NFIC: variants seen among roughly 807,000 people sequenced by gnomAD.
The protein encoded by NFIC is nuclear factor I C.
NFIC carries 12 observed loss-of-function variants against 54.4 expected under a neutral mutation model. The ratio of observed to expected loss-of-function variants is 0.22; its 90% CI spans 0.14 to 0.36. The LOEUF is 0.36. Among genes scored for constraint, NFIC ranks in the 10% least tolerant of loss-of-function variants. The pLI is 1.00. For missense variants in NFIC, 575 were observed against 718.2 expected, an observed-to-expected ratio of 0.80 and a Z score of 2.28; for synonymous variants, 322 against 319.2, an observed-to-expected ratio of 1.01 and a Z score of -0.09.
At chr19:3,366,704 GC>G (rs756770233) in intron 1 of NFIC, 38 bp downstream of exon 1, 11 of 1,267,486 alleles carry the variant, frequency 8.7e-6, no homozygotes, top group South Asian at 1.9e-5. Context: ...GCGCCCCCGC[GC>G]CCCCCGCATC....
chr19:3,466,654 C>G lies in NFIC; in HGVS notation c.*3885C>G, dbSNP rs2082720833. The G allele has an allele frequency of 6.6e-6, 1 of 151,682 alleles. No individual in the cohort carries two copies. The highest frequency in any genetic ancestry group is 2.1e-4 in the South Asian group (1 of 4,816). 9.4% of individuals were successfully genotyped at this position (151,682 alleles called of 1,614,324 possible). A position where few individuals can be genotyped will look rare whatever the true frequency, so the allele number is the denominator to read the frequency against. Reference sequence around the variant, plus strand: ...TGCACAGCATTCATGTAGCTGATTTCTAGCTTTTTTTTTTTTTCTGCCCCA... The same window carrying G: ...TGCACAGCATTCATGTAGCTGATTTGTAGCTTTTTTTTTTTTTCTGCCCCA... On this transcript the variant is annotated 3_prime_UTR_variant, in exon 11 of 11. Transcript: ENST00000443272. The surrounding 1 kb of genome is among the most constrained non-coding windows in gnomAD (Gnocchi z 4.8).
At chr19:3,366,702 G>A (rs762183016) in intron 1 of NFIC, 36 bp downstream of exon 1, 2 of 1,052,360 alleles carry the variant, frequency 1.9e-6, no homozygotes, top group Admixed American at 3.7e-5. Context: ...CGGCGCCCCC[G>A]CGCCCCCCGC....
At chr19:3,362,825 C>T (rs568475997), upstream of NFIC, among the ~76,000 whole-genome samples, 6 of 152,260 alleles carry the variant, frequency 3.9e-5, no homozygotes, top group South Asian at 2.1e-4. Context: ...TGACTGCACA[C>T]TGCACTGCTG....
In NFIC at chr19:3,465,777, T is replaced by G. The variant is rs1264823322; in HGVS notation, c.*3008T>G. The G allele has an allele frequency of 6.6e-6, 1 of 152,184 alleles. No individual in the cohort carries two copies. The highest frequency in any genetic ancestry group is 6.6e-5 in the Admixed American group (1 of 15,264). 9.4% of individuals were successfully genotyped at this position (152,184 alleles called of 1,614,324 possible). On this transcript the variant is annotated 3_prime_UTR_variant, in exon 11 of 11. Transcript: ENST00000443272. Reference sequence around the variant, plus strand: ...TGTCCTCCAACCATGGGGTGGCCACTCCACCCGCAGCCAGACTCCCCGCTC... The same window carrying G: ...TGTCCTCCAACCATGGGGTGGCCACGCCACCCGCAGCCAGACTCCCCGCTC...
At chr19:3,417,709 T>G (rs1475507736) in intron 2 of NFIC, among the ~76,000 whole-genome samples, 2 of 145,226 alleles carry the variant, frequency 1.4e-5, no homozygotes, top group Non-Finnish European at 3.0e-5. Context: ...CACTGCAACC[T>G]CTGCCTCCCG....
intron 1 of NFIC, among the ~76,000 whole-genome samples, chr19:3,368,336 TG>T (rs1271563408): frequency 1.3e-5 from 2 of 152,040 alleles, no homozygotes; most frequent in African/African-American, 4.8e-5. Flanking sequence ...TCCTGGTTGC[TG>T]GGGTGGGTTG....
intron 6 of NFIC, among the ~76,000 whole-genome samples, chr19:3,439,529 C>T (rs1009464346): frequency 6.6e-6 from 1 of 150,394 alleles, no homozygotes; most frequent in Non-Finnish European, 1.5e-5. Context: ...GTAATCCCAG[C>T]TACTCGGGAG....
chr19:3,414,851 G>C (rs535730651), intron 2 of NFIC, among the ~76,000 whole-genome samples: 1 of 151,738 alleles, frequency 6.6e-6, no homozygotes, highest in South Asian at 2.1e-4. Context: ...TTGTTTTTGT[G>C]TTTTTTGAGA....
intron 3 of NFIC, among the ~76,000 whole-genome samples, chr19:3,432,751 T>C (rs1199013872): frequency 6.7e-6 from 1 of 150,210 alleles, no homozygotes; most frequent in Non-Finnish European, 1.5e-5. Context: ...CTCGGCTCAC[T>C]GCAAGCTCCA....
In NFIC at chr19:3,381,839, A is replaced by C. The variant is rs1470040387; in HGVS notation, c.158A>C (p.Glu53Ala). 6.2e-7 allele frequency: 1 copy of C among 1,614,032 alleles called. No homozygotes were observed. The highest frequency in any genetic ancestry group is 1.7e-5 in the Admixed American group (1 of 60,024). ...CACGAGAAGCGGATGTCGAAGGACG[A>C]GGAGCGTGCGGTCAAGGACGAGCTG... ...KKHEKRMSKD[E>A]ERAVKDELLG... is the part of the protein sequence containing the mutation. The change falls in exon 2 of 11, where the codon GAG becomes GCG. Residue 53 changes from glutamate to alanine, a missense_variant. Transcript: ENST00000443272.
At position 3,381,565 on chromosome 19, in the gene NFIC, C is replaced by T. The variant is rs1290471498; in HGVS notation, c.31-147C>T. The T allele has an allele frequency of 7.1e-6, 9 of 1,261,878 alleles. No individual in the cohort carries two copies. In the Admixed American group the frequency reaches 8.6e-5, roughly 12 times the overall value. 78.2% of individuals were successfully genotyped at this position (1,261,878 alleles called of 1,614,324 possible). On this transcript the variant is annotated intron_variant, in intron 1 of 10. Transcript: ENST00000443272. ...GTGCCTCCGGCGGCGTGCACGGGTC[C>T]GCAGCGACCCCCTGCCCACCTCTGC...
chr19:3,379,415 C>T (rs1164126852), intron 1 of NFIC, among the ~76,000 whole-genome samples: 1 of 149,662 alleles, frequency 6.7e-6, no homozygotes, highest in African/African-American at 2.5e-5. Flanking sequence ...AATGTAGTGG[C>T]GAGCTCTCGG....
chr19:3,394,838 C>T (rs1568418730), intron 2 of NFIC, among the ~76,000 whole-genome samples: 2 of 151,926 alleles, frequency 1.3e-5, no homozygotes, highest in South Asian at 2.1e-4. Context: ...ATCCAGGTTG[C>T]GTGCTCCTTA....
At position 3,434,241 on chromosome 19, in the gene NFIC, G is replaced by T. The variant is rs1268765102; in HGVS notation, c.710-36G>T. Reference sequence around the variant, plus strand: ...AAAGCAAACCGCAGCACTGGGCACTGCTTCCTGCCTCACTCTCCTCTGTCA... The same window carrying T: ...AAAGCAAACCGCAGCACTGGGCACTTCTTCCTGCCTCACTCTCCTCTGTCA... On this transcript the variant is annotated intron_variant, in intron 4 of 10. Transcript: ENST00000443272. 3.8e-6 allele frequency: 6 copies of T among 1,591,196 alleles called. No individual in the cohort carries two copies. In the East Asian group the frequency reaches 1.3e-4, roughly 36 times the overall value.
chr19:3,460,472 G>C (rs902806275), intron 10 of NFIC, among the ~76,000 whole-genome samples: 6 of 152,152 alleles, frequency 3.9e-5, no homozygotes, highest in Non-Finnish European at 8.8e-5. Context: ...CGGGGATACC[G>C]GGGACATCAT....
chr19:3,403,896 G>A (rs2081597564), intron 2 of NFIC, among the ~76,000 whole-genome samples: 1 of 149,606 alleles, frequency 6.7e-6, no homozygotes. Context: ...GGGCGCTTCC[G>A]ACTGGCCCTG....
At chr19:3,362,661 G>C (rs1399808205), upstream of NFIC, among the ~76,000 whole-genome samples, 1 of 152,006 alleles carries the variant, frequency 6.6e-6, no homozygotes, top group Non-Finnish European at 1.5e-5. Context: ...CAGCCTCAAC[G>C]GCCTATCTGA....
chr19:3,366,962 C>CA (rs957961512), intron 1 of NFIC, among the ~76,000 whole-genome samples: 1 of 148,822 alleles, frequency 6.7e-6, no homozygotes, highest in African/African-American at 2.5e-5. Flanking sequence ...ATTTGCGTCC[C>CA]CCCCCCACAC....
At chr19:3,384,491 C>T (rs1410096549) in intron 2 of NFIC, among the ~76,000 whole-genome samples, 2 of 152,034 alleles carry the variant, frequency 1.3e-5, no homozygotes, top group East Asian at 1.9e-4. Context: ...CAGGTTCAAG[C>T]GATTCTCCTG....
Sources: allele counts gnomAD v4.1 joint callset (sites outside exome capture counted in the v4.1 genomes callset), GRCh38; gene constraint gnomAD v4.1.1; non-coding constraint Gnocchi (gnomAD v3.1); transcripts MANE v1.5; gene names NCBI Gene and HGNC (gene_info 2026-07-23, HGNC 2026-07-21).